The following MYO16 variants were observed in gnomAD, a reference collection of about 807,000 sequenced individuals.
The protein encoded by MYO16 is unconventional myosin-XVI.
MYO16 carries 94 observed loss-of-function variants against 205.3 expected under a neutral mutation model. The observed-to-expected ratio is 0.46, with a 90% CI of 0.39 to 0.54. The LOEUF (loss-of-function observed/expected upper bound fraction) is 0.54. Among genes scored for constraint, MYO16 ranks in the 20% least tolerant of loss-of-function variants. The pLI, the probability that MYO16 is intolerant of heterozygous loss-of-function variation, is 0.00. For missense variants in MYO16, 2,315 were observed against 2,387.5 expected, an observed-to-expected ratio of 0.97 and a Z score of 0.63; for synonymous variants, 988 against 954.0, an observed-to-expected ratio of 1.04 and a Z score of -0.66.
chr13:108,540,268 C>T, the MYO16 span, among the ~76,000 whole-genome samples: 2 of 152,108 alleles, frequency 1.3e-5, no homozygotes, highest in Non-Finnish European at 2.9e-5. Context: ...ATGTCAAAGG[C>T]TATGCCATAT....
At chr13:108,577,637 A>G in the MYO16 span, among the ~76,000 whole-genome samples, 199 of 152,288 alleles carry the variant, frequency 1.3e-3, 2 homozygotes, top group South Asian at 0.02. Context: ...CACTTTTAAT[A>G]TCTATTCCTG....
intron 2 of MYO16, among the ~76,000 whole-genome samples, chr13:108,668,158 A>G (rs1881823827): frequency 6.6e-6 from 1 of 152,216 alleles, no homozygotes; most frequent in Admixed American, 6.6e-5. Flanking sequence ...TTACTAACTA[A>G]AAAGCCAAGA....
At chr13:108,712,451 G>A (rs1418806630) in intron 2 of MYO16, among the ~76,000 whole-genome samples, 9 of 152,118 alleles carry the variant, frequency 5.9e-5, no homozygotes, top group East Asian at 1.9e-4. Flanking sequence ...ATTGTAATAC[G>A]AAATTATGTT....
the MYO16 span, among the ~76,000 whole-genome samples, chr13:108,509,524 C>T: frequency 6.6e-6 from 1 of 152,154 alleles, no homozygotes; most frequent in Non-Finnish European, 1.5e-5. Context: ...TCCACTCTTT[C>T]CTCATAATGT....
intron 1 of MYO16, among the ~76,000 whole-genome samples, chr13:108,619,335 G>A (rs1302739562): frequency 6.6e-6 from 1 of 152,056 alleles, no homozygotes; most frequent in Admixed American, 6.6e-5. Context: ...GCTACTTCAC[G>A]AGACTCTAAA....
intron 12 of MYO16, among the ~76,000 whole-genome samples, chr13:108,876,320 A>G (rs1245269173): frequency 4.6e-5 from 7 of 151,842 alleles, no homozygotes; most frequent in Admixed American, 1.3e-4. Flanking sequence ...TTTTTTTCAC[A>G]TGTACTTTTG....
chr13:109,002,037 G>C (rs1329639531), intron 21 of MYO16, among the ~76,000 whole-genome samples: 2 of 152,018 alleles, frequency 1.3e-5, no homozygotes, highest in Non-Finnish European at 2.9e-5. Flanking sequence ...TCAGTTCTAT[G>C]ATCTATCTCA....
At chr13:109,008,238 C>G (rs1005375125) in intron 21 of MYO16, among the ~76,000 whole-genome samples, 8 of 152,208 alleles carry the variant, frequency 5.3e-5, no homozygotes, top group Non-Finnish European at 7.3e-5. Context: ...TGAGTCAATA[C>G]TTTCCCAATC....
chr13:108,622,443 G>T (rs990832404), intron 1 of MYO16, among the ~76,000 whole-genome samples: 53 of 152,152 alleles, frequency 3.5e-4, no homozygotes, highest in African/African-American at 1.3e-3. Context: ...TGAAATAGAA[G>T]TAAGGAGGGA....
At chr13:108,980,785 C>T (rs532207501) in intron 20 of MYO16, among the ~76,000 whole-genome samples, 81 of 152,190 alleles carry the variant, frequency 5.3e-4, no homozygotes, top group African/African-American at 1.8e-3. Flanking sequence ...TGTGAAGCTA[C>T]GATTATTGTG....
chr13:109,039,333 A>G (rs1413016606), intron 23 of MYO16, among the ~76,000 whole-genome samples: 1 of 152,222 alleles, frequency 6.6e-6, no homozygotes, highest in African/African-American at 2.4e-5. Context: ...ACTGAACAAC[A>G]CCATCACCAA....
chr13:108,593,661 T>TA (rs1289350510), upstream of MYO16, among the ~76,000 whole-genome samples: 2 of 152,200 alleles, frequency 1.3e-5, no homozygotes, highest in African/African-American at 2.4e-5. Context: ...CTACTGAGGA[T>TA]ATGGATACAT....
chr13:108,738,883 G>A (rs956104042), intron 4 of MYO16, among the ~76,000 whole-genome samples: 13 of 152,044 alleles, frequency 8.6e-5, no homozygotes, highest in African/African-American at 2.9e-4. Context: ...TCCCTTTACT[G>A]TTATGTAATG....
At chr13:108,888,867 C>T (rs1880030108) in intron 14 of MYO16, among the ~76,000 whole-genome samples, 1 of 151,906 alleles carries the variant, frequency 6.6e-6, no homozygotes, top group Admixed American at 6.6e-5. Context: ...TCGGCCTGGC[C>T]AACATTGTGA....
At chr13:109,093,396 CA>C (rs1178076134) in intron 27 of MYO16, among the ~76,000 whole-genome samples, 1 of 152,092 alleles carries the variant, frequency 6.6e-6, no homozygotes, top group Non-Finnish European at 1.5e-5. Flanking sequence ...AGGTGTATGG[CA>C]GTAAAGAGAC....
intron 1 of MYO16, among the ~76,000 whole-genome samples, chr13:108,601,126 G>A (rs573172631): frequency 6.6e-6 from 1 of 152,204 alleles, no homozygotes; most frequent in African/African-American, 2.4e-5. Context: ...GATCACTGTG[G>A]ATGTGTGCTT....
At position 108,862,146 on chromosome 13, in the gene MYO16, C is replaced by A. The variant is rs376247805; in HGVS notation, c.1360-4031C>A. On this transcript the variant is annotated intron_variant, in intron 11 of 34. Transcript: ENST00000457511. ...GTTGAAATCTCAAAAGATCGAAATC[C>A]TCAAAAATCAAAATCCCCAAAGTCT... 5.9e-5 allele frequency among the ~76,000 whole-genome samples: 9 copies of A among 152,150 alleles called. No homozygotes were observed. In the South Asian group the frequency reaches 8.3e-4, roughly 14 times the overall value.
intron 1 of MYO16, among the ~76,000 whole-genome samples, chr13:108,596,683 G>A (rs1460539935): frequency 6.6e-6 from 1 of 152,040 alleles, no homozygotes; most frequent in African/African-American, 2.4e-5. Context: ...ATGCCTGTAT[G>A]GTATGTGTCA....
At chr13:109,076,258 C>T (rs1312886670) in intron 27 of MYO16, among the ~76,000 whole-genome samples, 1 of 152,114 alleles carries the variant, frequency 6.6e-6, no homozygotes, top group African/African-American at 2.4e-5. Flanking sequence ...TCATTAATTT[C>T]AGCTCTTATC....
Sources: allele counts gnomAD v4.1 joint callset (sites outside exome capture counted in the v4.1 genomes callset), GRCh38; gene constraint gnomAD v4.1.1; transcripts MANE v1.5; gene names NCBI Gene and HGNC (gene_info 2026-07-23, HGNC 2026-07-21).